MTO1: variants seen among roughly 807,000 people sequenced by gnomAD.
The protein encoded by MTO1 is 5-taurinomethyluridine-[tRNA] synthase subunit MTO1, mitochondrial.
Under a neutral mutation model 71.6 loss-of-function variants are expected in MTO1, and 46 were observed. The ratio of observed to expected loss-of-function variants is 0.64; its 90% CI spans 0.51 to 0.82. MTO1 has a LOEUF of 0.82. MTO1 is among the 40% of genes least tolerant of loss of function. The pLI, the probability that MTO1 is intolerant of heterozygous loss-of-function variation, is 0.00. For synonymous variants in MTO1, 297 were observed against 312.1 expected, an observed-to-expected ratio of 0.95 and a Z score of 0.51; for missense variants, 773 against 867.5, an observed-to-expected ratio of 0.89 and a Z score of 1.37.
intron 9 of MTO1, among the ~76,000 whole-genome samples, chr6:73,485,114 G>A (rs920293317): frequency 5.3e-5 from 8 of 151,494 alleles, no homozygotes; most frequent in Admixed American, 1.3e-4. Flanking sequence ...ACACTAATTC[G>A]TGTAATAGGA....
chr6:73,483,227 G>A (rs1020321477), intron 9 of MTO1, among the ~76,000 whole-genome samples: 4 of 151,956 alleles, frequency 2.6e-5, no homozygotes, highest in South Asian at 2.1e-4. Flanking sequence ...TGGCCAATGT[G>A]GCAAAATCCC....
chr6:73,497,913 G>C lies in MTO1; in HGVS notation c.1917+17G>C, dbSNP rs372865741. 6.3e-7 allele frequency: 1 copy of C among 1,593,610 alleles called. No individual in the cohort carries two copies. Among genetic ancestry groups the C allele is most frequent in the Admixed American group, 1.7e-5 (1 of 58,698 alleles). Reference sequence around the variant, plus strand: ...CCACAGACGGTAAGAAAATAGGCAGGAGAATAGAAACAAGTTATAGATAAA... The same window carrying C: ...CCACAGACGGTAAGAAAATAGGCAGCAGAATAGAAACAAGTTATAGATAAA... On this transcript the variant is annotated intron_variant, in intron 11 of 11. Transcript: ENST00000498286.
chr6:73,471,545 G>A, intron 3 of MTO1: 2 of 407,862 alleles, frequency 4.9e-6, no homozygotes, highest in Non-Finnish European at 9.6e-6. Context: ...CTCCTGTGTA[G>A]CTGGGACCAC....
chr6:73,499,536 GA>G (rs1434178603), intron 11 of MTO1, among the ~76,000 whole-genome samples: 1 of 139,956 alleles, frequency 7.1e-6, no homozygotes, highest in African/African-American at 2.7e-5. Context: ...AAAAAAAAAA[GA>G]AAAAAATTAA....
Position 73,462,019 on chromosome 6 carries a change from C to G in MTO1, c.165C>G (p.Ala55=), listed in dbSNP as rs764604575. The change falls in exon 1 of 12, where the codon GCC becomes GCG. Residue 55 remains alanine, a synonymous_variant. Transcript: ENST00000498286. ...GHAGTEAATA[A]ARCGSRTLLL... ...CCGGGACTGAGGCAGCCACCGCCGCCGCTCGGTGCGGCTCTCGGACTCTGC... is the reference window on the plus strand; with the variant it reads ...CCGGGACTGAGGCAGCCACCGCCGCGGCTCGGTGCGGCTCTCGGACTCTGC... The G allele has an allele frequency of 1.2e-6, 2 of 1,614,042 alleles. No individual in the cohort carries two copies. Among genetic ancestry groups the G allele is most frequent in the Non-Finnish European group, 8.5e-7 (1 of 1,179,994 alleles).
chr6:73,478,197 G>A (rs185914195), intron 4 of MTO1, among the ~76,000 whole-genome samples: 1 of 150,652 alleles, frequency 6.6e-6, no homozygotes, highest in Admixed American at 6.6e-5. Flanking sequence ...AGTGAGCAGA[G>A]ATGATGCCAC....
intron 9 of MTO1, among the ~76,000 whole-genome samples, chr6:73,483,425 C>CAT (rs369748414): frequency 1.6e-3 from 233 of 150,282 alleles, no homozygotes; most frequent in African/African-American, 4.2e-3. Flanking sequence ...GAAAAAATCA[C>CAT]ATATATATAT....
Position 73,492,162 on chromosome 6 carries a change from A to G in MTO1, c.1638-72A>G, listed in dbSNP as rs1771827194. The G allele has an allele frequency of 3.1e-6, 3 of 969,638 alleles. No homozygotes were observed. In the South Asian group the frequency reaches 4.2e-5, roughly 13 times the overall value. 60.1% of individuals were successfully genotyped at this position (969,638 alleles called of 1,614,324 possible). On this transcript the variant is annotated intron_variant, in intron 9 of 11. Transcript: ENST00000498286. ...TTATTCTGAGATCTGATATTATTTC[A>G]AAGAATCTTGTTCTTGATCTGCCTT...
Position 73,500,912 on chromosome 6 carries a change from A to C in MTO1, c.*177A>C. The stretch of plus-strand genomic sequence containing the variant: ...TGTGCTTTTTCGTGTATATGAAAAA[A>C]CTAGTCGTAAACAATTTGTACTCTT... On this transcript the variant is annotated 3_prime_UTR_variant, in exon 12 of 12. Coordinates refer to ENST00000498286, the MANE Select transcript of MTO1 (RefSeq NM_012123.4). The C allele has an allele frequency of 4.2e-6, 2 of 472,642 alleles. No individual in the cohort carries two copies. Among genetic ancestry groups the C allele is most frequent in the South Asian group, 1.3e-4 (2 of 14,904 alleles). The allele number at this position is 472,642 out of a possible 1,614,324, so 29.3% of individuals were successfully genotyped here.
At chr6:73,465,552 T>C (rs1770963046) in intron 1 of MTO1, among the ~76,000 whole-genome samples, 1 of 152,090 alleles carries the variant, frequency 6.6e-6, no homozygotes, top group African/African-American at 2.4e-5. Context: ...GGTAGATTCC[T>C]CTGGTGCTGT....
intron 4 of MTO1, among the ~76,000 whole-genome samples, chr6:73,476,799 T>G (rs937099730): frequency 6.6e-6 from 1 of 151,820 alleles, no homozygotes; most frequent in Non-Finnish European, 1.5e-5. Context: ...AATTTTTTTT[T>G]TTTTTTTGAG....
In MTO1 at chr6:73,497,886, G is replaced by A. The variant is rs751695333; in HGVS notation, c.1907G>A (p.Arg636His). 26 of 1,608,334 alleles carry A rather than the reference G, an allele frequency of 1.6e-5. No homozygotes were observed. The highest frequency in any genetic ancestry group is 1.6e-4 in the Middle Eastern group (1 of 6,074). The part of the protein sequence containing the change: ...HEVREKLHFS[R>H]PQTIGAASRI... ...GTTCGAGAGAAACTACATTTTAGTC[G>A]TCCACAGACGGTAAGAAAATAGGCA... is the stretch of plus-strand genomic sequence containing the variant. The change falls in exon 11 of 12, where the codon CGT (arginine) becomes CAT (histidine). Residue 636 changes from arginine (R) to histidine (H), a missense_variant. Transcript: ENST00000498286.
At chr6:73,472,641 C>T (rs927732428) in intron 3 of MTO1, among the ~76,000 whole-genome samples, 4 of 152,060 alleles carry the variant, frequency 2.6e-5, no homozygotes, top group Non-Finnish European at 1.5e-5. Context: ...ATCTAGTGAG[C>T]AGTATGGTAA....
At chr6:73,473,287 GATAGATAGATAGATAC>G in intron 3 of MTO1, 62 bp from the exon 4 acceptor site, 1 of 1,368,416 alleles carries the variant, frequency 7.3e-7, no homozygotes. Context: ...CAGATAGATA[GATAGATAGATAGATAC>G]ATAGATACAT....
In MTO1 at chr6:73,482,637, T is replaced by G. The variant is rs1360598252; in HGVS notation, c.1637+17T>G. 1.9e-6 allele frequency: 3 copies of G among 1,565,816 alleles called. No homozygotes were observed. The highest frequency in any genetic ancestry group is 2.4e-4 in the Middle Eastern group (1 of 4,218). On this transcript the variant is annotated intron_variant, in intron 9 of 11. Coordinates refer to ENST00000498286, the MANE Select transcript of MTO1 (RefSeq NM_012123.4). ...GCCTGTCAGGTATGCATTTTTAATA[T>G]AGACCTTTCTCACTTTTTATAGAAA...
At position 73,495,546 on chromosome 6, in the gene MTO1, C is replaced by T. The variant is rs1274976770; in HGVS notation, c.1757-2190C>T. 4.6e-5 allele frequency among the ~76,000 whole-genome samples: 7 copies of T among 151,864 alleles called. No homozygotes were observed. In the South Asian group the frequency reaches 1.0e-3, roughly 23 times the overall value. On this transcript the variant is annotated intron_variant, in intron 10 of 11. Transcript: ENST00000498286. ...AGACTCTGGCATATATAAAGACTCTCATAACTATCATGGCTTAAAAAAAAA... is the reference window on the plus strand; with the variant it reads ...AGACTCTGGCATATATAAAGACTCTTATAACTATCATGGCTTAAAAAAAAA...
intron 11 of MTO1, among the ~76,000 whole-genome samples, chr6:73,500,354 T>G (rs1177796372): frequency 2.6e-5 from 4 of 152,250 alleles, no homozygotes; most frequent in Non-Finnish European, 4.4e-5. Context: ...CAAGCTATTT[T>G]AACATTTCTG....
At position 73,507,023 on chromosome 6, in the gene MTO1, C is replaced by G. The variant is rs921058003; in HGVS notation, c.*6288C>G. 1 of 150,286 alleles carries G rather than the reference C, an allele frequency of 6.7e-6. No homozygotes were observed. Among genetic ancestry groups the G allele is most frequent in the African/African-American group, 2.5e-5 (1 of 40,806 alleles). The allele number at this position is 150,286 out of a possible 1,614,324, so 9.3% of individuals were successfully genotyped here. A position where few individuals can be genotyped will look rare whatever the true frequency, so the allele number is the denominator to read the frequency against. On this transcript the variant is annotated 3_prime_UTR_variant, in exon 12 of 12. Coordinates refer to ENST00000498286, the MANE Select transcript of MTO1 (RefSeq NM_012123.4). ...GTCTATATTCACCAATTTTAAGATG[C>G]ACATCTTTCCATATTTTAGTATCTC...
intron 9 of MTO1, among the ~76,000 whole-genome samples, chr6:73,487,328 A>T (rs1025120265): frequency 6.7e-6 from 1 of 150,030 alleles, no homozygotes. Context: ...AGTAGCTGGG[A>T]TTACAGGCAC....
Sources: allele counts gnomAD v4.1 joint callset (sites outside exome capture counted in the v4.1 genomes callset), GRCh38; gene constraint gnomAD v4.1.1; transcripts MANE v1.5; gene names NCBI Gene and HGNC (gene_info 2026-07-23, HGNC 2026-07-21).